The following SSBP2 variants were observed in gnomAD, a reference collection of about 807,000 sequenced individuals.
SSBP2 encodes single-stranded DNA-binding protein 2.
Under a neutral mutation model 61.8 loss-of-function variants are expected in SSBP2, and 17 were observed. That is an observed-to-expected ratio of 0.28 (90% CI 0.19 to 0.41). The LOEUF is 0.41. Ranked by LOEUF, SSBP2 falls within the 10% of genes least tolerant of loss-of-function variation. The pLI is 1.00. For missense variants in SSBP2, 310 were observed against 458.7 expected, an observed-to-expected ratio of 0.68 and a Z score of 2.96; for synonymous variants, 139 against 141.3, an observed-to-expected ratio of 0.98 and a Z score of 0.12.
At chr5:81,500,927 C>G (rs1231414808) in intron 5 of SSBP2, among the ~76,000 whole-genome samples, 1 of 151,424 alleles carries the variant, frequency 6.6e-6, no homozygotes, top group Admixed American at 6.6e-5. Context: ...AAATATACAT[C>G]TTGAGGCCAG....
At chr5:81,609,895 G>A (rs1328253855) in intron 4 of SSBP2, among the ~76,000 whole-genome samples, 1 of 151,950 alleles carries the variant, frequency 6.6e-6, no homozygotes, top group Non-Finnish European at 1.5e-5. Context: ...AAAAGCCCTG[G>A]GCTCAGCCAC....
intron 8 of SSBP2, among the ~76,000 whole-genome samples, chr5:81,467,598 A>G (rs1764977306): frequency 5.3e-5 from 8 of 152,082 alleles, no homozygotes; most frequent in Admixed American, 5.2e-4. Flanking sequence ...TGCATGAATT[A>G]TATGACTCAA....
intron 1 of SSBP2, among the ~76,000 whole-genome samples, chr5:81,717,351 A>C (rs1417507696): frequency 6.6e-6 from 1 of 152,184 alleles, no homozygotes; most frequent in Non-Finnish European, 1.5e-5. Flanking sequence ...TCACCCCCAT[A>C]AAACTTGGAG....
intron 10 of SSBP2, among the ~76,000 whole-genome samples, chr5:81,451,529 C>A (rs775568029): frequency 1.6e-4 from 24 of 152,092 alleles, no homozygotes; most frequent in Admixed American, 6.6e-5. Flanking sequence ...TGGGTTCAAG[C>A]GATTGTCCTG....
intron 8 of SSBP2, among the ~76,000 whole-genome samples, chr5:81,468,534 C>A (rs747289757): frequency 6.6e-6 from 1 of 151,910 alleles, no homozygotes; most frequent in African/African-American, 2.4e-5. Context: ...TCTTTCCTGT[C>A]CTCATTTTCT....
At chr5:81,568,521 T>C (rs952877148) in intron 4 of SSBP2, among the ~76,000 whole-genome samples, 10 of 152,168 alleles carry the variant, frequency 6.6e-5, no homozygotes, top group African/African-American at 1.9e-4. Flanking sequence ...AACGGACTAA[T>C]ATAGTTTGGA....
intron 7 of SSBP2, 130 bp downstream of exon 7, chr5:81,474,366 T>A: frequency 2.8e-6 from 2 of 704,758 alleles, no homozygotes; most frequent in Non-Finnish European, 4.9e-6. Context: ...CATTTGGCTA[T>A]GTTACTTAGA....
At chr5:81,626,335 A>G (rs1747140132) in intron 3 of SSBP2, among the ~76,000 whole-genome samples, 1 of 152,212 alleles carries the variant, frequency 6.6e-6, no homozygotes, top group Admixed American at 6.5e-5. Flanking sequence ...AGTATCACAT[A>G]TTCAACATCT....
At chr5:81,537,827 T>G (rs760076849) in intron 4 of SSBP2, among the ~76,000 whole-genome samples, 8 of 152,098 alleles carry the variant, frequency 5.3e-5, no homozygotes, top group Non-Finnish European at 1.0e-4. Flanking sequence ...GCTTCCCTAT[T>G]CCCTGAGACA....
intron 2 of SSBP2, among the ~76,000 whole-genome samples, chr5:81,643,668 T>C (rs1310112914): frequency 1.4e-5 from 2 of 144,098 alleles, no homozygotes; most frequent in Non-Finnish European, 3.0e-5. Flanking sequence ...AGTGGTGCGA[T>C]CTGGGCTCAC....
chr5:81,490,580 A>G (rs1766784537), intron 5 of SSBP2, among the ~76,000 whole-genome samples: 1 of 152,176 alleles, frequency 6.6e-6, no homozygotes, highest in Non-Finnish European at 1.5e-5. Context: ...TACAGAATTA[A>G]ATCCTACATG....
intron 5 of SSBP2, among the ~76,000 whole-genome samples, chr5:81,500,955 T>C (rs1296101682): frequency 6.6e-6 from 1 of 151,134 alleles, no homozygotes; most frequent in Non-Finnish European, 1.5e-5. Context: ...GGCTCATGCC[T>C]GTAATCCCAG....
At chr5:81,462,202 A>C (rs1345161292) in intron 9 of SSBP2, among the ~76,000 whole-genome samples, 1 of 152,170 alleles carries the variant, frequency 6.6e-6, no homozygotes, top group Non-Finnish European at 1.5e-5. Flanking sequence ...AAAATCTCAT[A>C]ATGTTTTAAG....
chr5:81,696,312 AT>A (rs1047188295), intron 1 of SSBP2, among the ~76,000 whole-genome samples: 1 of 152,014 alleles, frequency 6.6e-6, no homozygotes, highest in African/African-American at 2.4e-5. Flanking sequence ...ACTTCAACCC[AT>A]TTCTTTAACT....
intron 1 of SSBP2, among the ~76,000 whole-genome samples, chr5:81,740,421 CA>C (rs1186292285): frequency 2.6e-5 from 4 of 151,148 alleles, no homozygotes; most frequent in Non-Finnish European, 4.4e-5. Flanking sequence ...TTATAAATGA[CA>C]AATAGCACAT....
intron 4 of SSBP2, among the ~76,000 whole-genome samples, chr5:81,542,464 T>A (rs1295069782): frequency 2.0e-5 from 3 of 152,066 alleles, no homozygotes; most frequent in Non-Finnish European, 4.4e-5. Flanking sequence ...ACTCACATGT[T>A]CATAGCACCA....
upstream of SSBP2, chr5:81,751,258 C>G (rs554235230): frequency 3.9e-4 from 228 of 591,030 alleles, no homozygotes; most frequent in Admixed American, 2.5e-3. Context: ...TAAGCCTCAG[C>G]GGCAGTCTCC....
chr5:81,484,319 A>G (rs1395356320), intron 6 of SSBP2, among the ~76,000 whole-genome samples: 3 of 152,166 alleles, frequency 2.0e-5, no homozygotes, highest in Non-Finnish European at 4.4e-5. Flanking sequence ...ACTATAACTT[A>G]ATTGTATCAA....
At chr5:81,585,167 G>A (rs371115454) in intron 4 of SSBP2, among the ~76,000 whole-genome samples, 13 of 151,956 alleles carry the variant, frequency 8.6e-5, no homozygotes, top group East Asian at 3.9e-4. Context: ...GAGTAATAAC[G>A]TACAATTATT....
Sources: allele counts gnomAD v4.1 joint callset (sites outside exome capture counted in the v4.1 genomes callset), GRCh38; gene constraint gnomAD v4.1.1; transcripts MANE v1.5; gene names NCBI Gene and HGNC (gene_info 2026-07-23, HGNC 2026-07-21).